Variants in LGI1 observed in about 807,000 individuals in gnomAD.
LGI1 encodes the protein leucine-rich glioma-inactivated protein 1.
LGI1 carries 11 observed loss-of-function variants against 57.7 expected under a neutral mutation model. That is an observed-to-expected ratio of 0.19 (90% confidence interval 0.12 to 0.32). The LOEUF (loss-of-function observed/expected upper bound fraction) is 0.32, where lower values mean the gene tolerates loss of function less well. LGI1 is among the 10% of genes least tolerant of loss of function. LGI1 has a pLI of 1.00. For synonymous variants in LGI1, 222 were observed against 241.9 expected, an observed-to-expected ratio of 0.92 and a Z score of 0.76; for missense variants, 422 against 661.9, an observed-to-expected ratio of 0.64 and a Z score of 3.98.
intron 4 of LGI1, among the ~76,000 whole-genome samples, chr10:93,783,390 G>GTAAA (rs1050571120): frequency 2.0e-5 from 3 of 152,106 alleles, no homozygotes; most frequent in East Asian, 1.9e-4. Flanking sequence ...AAATAAATAA[G>GTAAA]TAAATAAATA....
chr10:93,792,663 A>G (rs1248656060), intron 5 of LGI1, 80 bp from the exon 6 acceptor site: 4 of 1,414,348 alleles, frequency 2.8e-6, no homozygotes, highest in Middle Eastern at 1.7e-4. Flanking sequence ...CATTCTGCAC[A>G]TGTTAATTGT....
In LGI1 at chr10:93,758,556, C is replaced by T; in HGVS notation, c.215+197C>T. On this transcript the variant is annotated intron_variant, in intron 1 of 7. Coordinates refer to ENST00000371418, the MANE Select transcript of LGI1 (RefSeq NM_005097.4). This position sits in a 1 kb window ranked among gnomAD's most constrained non-coding sequence, Gnocchi z 4.7. ...CTGCTACTGAACATGCTTAGATACCCCCAGCCCTGAACATTATCATGAGAA... is the reference window on the plus strand; with the variant it reads ...CTGCTACTGAACATGCTTAGATACCTCCAGCCCTGAACATTATCATGAGAA... The T allele has an allele frequency of 1.4e-6, 1 of 700,298 alleles. No individual in the cohort carries two copies. The highest frequency in any genetic ancestry group is 2.5e-6 in the Non-Finnish European group (1 of 406,662). 43.4% of individuals were successfully genotyped at this position (700,298 alleles called of 1,614,324 possible).
At chr10:93,769,074 G>C in intron 2 of LGI1, 1 of 152,198 alleles carries the variant, frequency 6.6e-6, no homozygotes, top group East Asian at 1.9e-4. Context: ...TATTCACATG[G>C]CACATGCACT....
chr10:93,759,083 T>C, intron 2 of LGI1: 1 of 515,820 alleles, frequency 1.9e-6, no homozygotes, highest in Non-Finnish European at 3.5e-6. Flanking sequence ...TGTTGGAATC[T>C]TGCAACAATG....
At chr10:93,779,053 C>A (rs754717734) in intron 4 of LGI1, 9 of 152,158 alleles carry the variant, frequency 5.9e-5, no homozygotes, top group Non-Finnish European at 1.2e-4. Flanking sequence ...TGATATGATG[C>A]AAAGATGGCT....
chr10:93,797,171 G>A lies in LGI1; in HGVS notation c.1042G>A (p.Val348Ile). Reference sequence around the variant, plus strand: ...GATTGAAAACAACTGGTACTTTGTTGTTGCTGACAGTTCAAAAGCTGGTTT... The same window carrying A: ...GATTGAAAACAACTGGTACTTTGTTATTGCTGACAGTTCAAAAGCTGGTTT... ...FKIENNWYFV[V>I]ADSSKAGFTT... The change falls in exon 8 of 8, where the codon GTT (valine) becomes ATT (isoleucine). Residue 348 changes from valine (V) to isoleucine (I), a missense_variant. Val to Ile is a conservative substitution (Grantham distance 29). Around this residue, in one of 3 missense-constraint regions of LGI1, gnomAD observed 301 missense variants for 461.7 expected, o/e 0.65. Coordinates refer to ENST00000371418, the MANE Select transcript of LGI1 (RefSeq NM_005097.4). The surrounding 1 kb of genome is among the most constrained non-coding windows in gnomAD (Gnocchi z 6.5). The A allele has an allele frequency of 2.5e-6, 4 of 1,614,172 alleles. No individual in the cohort carries two copies. The highest frequency in any genetic ancestry group is 2.2e-5 in the South Asian group (2 of 91,086).
intron 2 of LGI1, chr10:93,771,818 A>C (rs1046135369): frequency 1.3e-5 from 2 of 152,230 alleles, no homozygotes; most frequent in African/African-American, 4.8e-5. Context: ...TCTACTAAAA[A>C]TACAAAAATT....
chr10:93,775,563 C>T (rs2059786663), intron 2 of LGI1, among the ~76,000 whole-genome samples: 1 of 152,082 alleles, frequency 6.6e-6, no homozygotes, highest in Admixed American at 6.6e-5. Context: ...CCTCTTTGTC[C>T]AACAAATATT....
At position 93,758,429 on chromosome 10, in the gene LGI1, G is replaced by A. The variant is rs534660629; in HGVS notation, c.215+70G>A. The A allele has an allele frequency of 5.6e-6, 8 of 1,431,664 alleles. No homozygotes were observed. Among genetic ancestry groups the A allele is most frequent in the Non-Finnish European group, 7.9e-6 (8 of 1,018,884 alleles). 88.7% of individuals were successfully genotyped at this position (1,431,664 alleles called of 1,614,324 possible). On this transcript the variant is annotated intron_variant, in intron 1 of 7. Transcript: ENST00000371418. This position sits in a 1 kb window ranked among gnomAD's most constrained non-coding sequence, Gnocchi z 4.7. Reference sequence around the variant, plus strand: ...TTCCAGCCGGTGGATTTGGGGCTTTGCATGTATTTGTAGAAGGGCATGGAG... The same window carrying A: ...TTCCAGCCGGTGGATTTGGGGCTTTACATGTATTTGTAGAAGGGCATGGAG...
Position 93,775,939 on chromosome 10 carries a change from C to A in LGI1, c.288-1440C>A, listed in dbSNP as rs544995485. 4.6e-5 allele frequency: 7 copies of A among 152,286 alleles called. No homozygotes were observed. In the East Asian group the frequency reaches 5.8e-4, roughly 13 times the overall value. The allele number at this position is 152,286 out of a possible 1,614,324, so 9.4% of individuals were successfully genotyped here. ...AATGAAAGTCTGGAACCTAAGGAAGCCTTTGGGTGTTAGCTTACCTTGGAG... is the reference window on the plus strand; with the variant it reads ...AATGAAAGTCTGGAACCTAAGGAAGACTTTGGGTGTTAGCTTACCTTGGAG... On this transcript the variant is annotated intron_variant, in intron 2 of 7. Coordinates refer to ENST00000371418, the MANE Select transcript of LGI1 (RefSeq NM_005097.4).
intron 2 of LGI1, among the ~76,000 whole-genome samples, chr10:93,761,601 C>T (rs570593079): frequency 6.6e-6 from 1 of 152,220 alleles, no homozygotes; most frequent in African/African-American, 2.4e-5. Flanking sequence ...GACATGGTAT[C>T]TGAAGTTACA....
chr10:93,762,030 T>G (rs2059629582), intron 2 of LGI1, among the ~76,000 whole-genome samples: 1 of 152,212 alleles, frequency 6.6e-6, no homozygotes, highest in African/African-American at 2.4e-5. Flanking sequence ...AAATTCAAAT[T>G]TAAGAGGACA....
intron 2 of LGI1, 153 bp from the exon 3 acceptor site, chr10:93,777,226 T>C: frequency 1.4e-6 from 1 of 721,468 alleles, no homozygotes; most frequent in South Asian, 1.6e-5. Flanking sequence ...AAAAAAATGC[T>C]GCATAGATTA....
intron 4 of LGI1, chr10:93,779,056 A>G (rs2059822386): frequency 6.6e-6 from 1 of 152,238 alleles, no homozygotes; most frequent in Admixed American, 6.5e-5. Flanking sequence ...TATGATGCAA[A>G]GATGGCTGTT....
chr10:93,762,958 C>G (rs1203472743), intron 2 of LGI1: 1 of 152,154 alleles, frequency 6.6e-6, no homozygotes, highest in East Asian at 1.9e-4. Flanking sequence ...TTTCACTCTC[C>G]ACTTCCACCT....
At position 93,797,860 on chromosome 10, in the gene LGI1, A is replaced by T. The variant is rs2059994536; in HGVS notation, c.*57A>T. 1.7e-6 allele frequency: 2 copies of T among 1,154,890 alleles called. No homozygotes were observed. 71.5% of individuals were successfully genotyped at this position (1,154,890 alleles called of 1,614,324 possible). On this transcript the variant is annotated 3_prime_UTR_variant, in exon 8 of 8. Transcript: ENST00000371418. This position sits in a 1 kb window ranked among gnomAD's most constrained non-coding sequence, Gnocchi z 6.5. The stretch of plus-strand genomic sequence containing the variant: ...TTTCTACAGTACATGACCCGGATGA[A>T]CTCAATGCATGATGACTCTTCTTAT...
rs113894731 is a variant in LGI1, at chr10:93,796,728, C to T, written c.839-240C>T. On this transcript the variant is annotated intron_variant, in intron 7 of 7. Transcript: ENST00000371418. The stretch of plus-strand genomic sequence containing the variant: ...ATAGCTGTGTGTCCTGAACGTCTAG[C>T]GCAGGCTAGATATGACATTAACAAC... 2.2e-3 allele frequency among the ~76,000 whole-genome samples: 341 copies of T among 152,284 alleles called. 1 individual carries two copies. The highest frequency in any genetic ancestry group is 7.9e-3 in the African/African-American group (327 of 41,556).
intron 2 of LGI1, chr10:93,763,465 C>T (rs2059644553): frequency 6.6e-6 from 1 of 152,212 alleles, no homozygotes; most frequent in South Asian, 2.1e-4. Context: ...CACCAATAAA[C>T]TGTGGTCCCA....
chr10:93,759,647 T>C (rs2059603498), intron 2 of LGI1, among the ~76,000 whole-genome samples: 1 of 152,228 alleles, frequency 6.6e-6, no homozygotes, highest in Non-Finnish European at 1.5e-5. Context: ...ACTTGGTTTG[T>C]AGCTGGACGG....
Sources: gnomAD v4.1 joint callset for allele counts (sites outside exome capture counted in the v4.1 genomes callset) on GRCh38, gnomAD v4.1.1 for gene constraint, gnomAD v4.1.1 regional missense constraint, Gnocchi (gnomAD v3.1) non-coding constraint, MANE v1.5 for transcripts, NCBI Gene and HGNC (gene_info 2026-07-23, HGNC 2026-07-21) for gene names.